MAP7: variants seen among roughly 807,000 people sequenced by gnomAD.
MAP7 encodes the protein microtubule associated protein 7, also known as ensconsin.
In MAP7, 52 loss-of-function variants were observed where a neutral mutation model predicts 94.8. The ratio of observed to expected loss-of-function variants is 0.55; its 90% confidence interval spans 0.44 to 0.69. The LOEUF is 0.69. Among genes scored for constraint, MAP7 ranks in the 30% least tolerant of loss-of-function variants. MAP7 has a pLI of 0.00. For missense variants in MAP7, 940 were observed against 964.6 expected (o/e 0.97, Z 0.34); for synonymous variants, 350 against 357.0 (o/e 0.98, Z 0.22).
intron 1 of MAP7, among the ~76,000 whole-genome samples, chr6:136,539,268 T>A (rs1460850657): frequency 6.6e-6 from 1 of 152,132 alleles, no homozygotes; most frequent in Non-Finnish European, 1.5e-5. Context: ...AGGAAGACAC[T>A]GAGGAAGAGA....
intron 3 of MAP7, among the ~76,000 whole-genome samples, chr6:136,390,701 G>C (rs943455122): frequency 1.3e-5 from 2 of 152,046 alleles, no homozygotes; most frequent in African/African-American, 4.8e-5. Context: ...CATAAATTTA[G>C]AAATATTTTG....
intron 1 of MAP7, among the ~76,000 whole-genome samples, chr6:136,498,960 G>C (rs1013486042): frequency 2.6e-5 from 4 of 152,082 alleles, no homozygotes; most frequent in African/African-American, 9.7e-5. Context: ...CCAGACTGGA[G>C]TGCAGTGGCA....
At chr6:136,476,438 G>T (rs1040571710) in intron 1 of MAP7, among the ~76,000 whole-genome samples, 1 of 152,140 alleles carries the variant, frequency 6.6e-6, no homozygotes, top group Non-Finnish European at 1.5e-5. Context: ...TGGCTTTGAA[G>T]TTCCTTTTAA....
At chr6:136,369,544 G>A (rs1795087605) in intron 8 of MAP7, among the ~76,000 whole-genome samples, 1 of 150,434 alleles carries the variant, frequency 6.6e-6, no homozygotes, top group African/African-American at 2.4e-5. Flanking sequence ...TTGTACTCCA[G>A]CATGGGTGAC....
intron 16 of MAP7, among the ~76,000 whole-genome samples, chr6:136,354,387 A>G (rs1336020805): frequency 7.0e-6 from 1 of 143,710 alleles, no homozygotes; most frequent in South Asian, 2.1e-4. Flanking sequence ...AAATATATAT[A>G]GTAGATATAT....
At chr6:136,488,252 C>A (rs1414551276) in intron 1 of MAP7, among the ~76,000 whole-genome samples, 1 of 152,044 alleles carries the variant, frequency 6.6e-6, no homozygotes, top group Non-Finnish European at 1.5e-5. Flanking sequence ...CATTATTTCA[C>A]AAAGCTTTTT....
intron 1 of MAP7, among the ~76,000 whole-genome samples, chr6:136,471,215 C>T (rs1808861016): frequency 6.6e-6 from 1 of 152,060 alleles, no homozygotes; most frequent in African/African-American, 2.4e-5. Context: ...CCCAGTTCAC[C>T]CAGTCTATTA....
Position 136,343,818 on chromosome 6 carries a change from G to C in MAP7, c.*410C>G, listed in dbSNP as rs1053185938. On this transcript the variant is annotated 3_prime_UTR_variant, in exon 18 of 18. Transcript: ENST00000354570. ...TTCATTCTACTTGTAGAACAAAGAGGTACTTATTTTTCAAGTATTATAAAA... is the reference window on the plus strand; with the variant it reads ...TTCATTCTACTTGTAGAACAAAGAGCTACTTATTTTTCAAGTATTATAAAA... 9 of 152,882 alleles carry C rather than the reference G, an allele frequency of 5.9e-5. No individual in the cohort carries two copies. The highest frequency in any genetic ancestry group is 2.2e-4 in the African/African-American group (9 of 41,392). The allele number at this position is 152,882 out of a possible 1,614,324, so 9.5% of individuals were successfully genotyped here.
chr6:136,389,269 G>A, intron 4 of MAP7, 85 bp downstream of exon 4: 1 of 1,491,640 alleles, frequency 6.7e-7, no homozygotes, highest in East Asian at 2.4e-5. Context: ...TTTGCACCCT[G>A]CACCTGACTG....
chr6:136,528,941 AT>A (rs1330022469), intron 1 of MAP7, among the ~76,000 whole-genome samples: 4 of 151,338 alleles, frequency 2.6e-5, no homozygotes, highest in Non-Finnish European at 1.5e-5. Flanking sequence ...TCTTTAATGG[AT>A]ATAGGGGTTA....
Position 136,366,289 on chromosome 6 carries a change from C to T in MAP7, c.989+38G>A, listed in dbSNP as rs761282551. Reference sequence around the variant, plus strand: ...GAGGAGAGAGCTACTAATTCTCTAACATGAAACAACCCAGCCAGCCACTTA... The same window carrying T: ...GAGGAGAGAGCTACTAATTCTCTAATATGAAACAACCCAGCCAGCCACTTA... On this transcript the variant is annotated intron_variant, in intron 9 of 17. Transcript: ENST00000354570. 4.0e-6 allele frequency: 6 copies of T among 1,518,214 alleles called. No individual in the cohort carries two copies. In the East Asian group the frequency reaches 9.0e-5, roughly 23 times the overall value. The allele number at this position is 1,518,214 out of a possible 1,614,324, so 94.0% of individuals were successfully genotyped here.
At chr6:136,354,125 A>ATC (rs1004325140) in intron 16 of MAP7, among the ~76,000 whole-genome samples, 1 of 144,408 alleles carries the variant, frequency 6.9e-6, no homozygotes, top group Non-Finnish European at 1.5e-5. Context: ...TATATATATT[A>ATC]TATATATAAA....
intron 1 of MAP7, among the ~76,000 whole-genome samples, chr6:136,523,128 T>C (rs931098118): frequency 3.3e-5 from 5 of 152,166 alleles, no homozygotes; most frequent in African/African-American, 1.2e-4. Context: ...CTGGTAATAA[T>C]AATAATCAGA....
At chr6:136,347,102 A>G (rs997676542) in intron 16 of MAP7, among the ~76,000 whole-genome samples, 2 of 148,488 alleles carry the variant, frequency 1.3e-5, no homozygotes. Context: ...TTAGATTACC[A>G]CTCTCTGTTA....
At chr6:136,508,302 G>A (rs560040523) in intron 1 of MAP7, among the ~76,000 whole-genome samples, 2 of 151,970 alleles carry the variant, frequency 1.3e-5, no homozygotes, top group South Asian at 4.2e-4. Flanking sequence ...CTCCAACCTG[G>A]GCAACAGAGT....
At chr6:136,425,219 G>A (rs1462607772) in intron 1 of MAP7, among the ~76,000 whole-genome samples, 1 of 152,200 alleles carries the variant, frequency 6.6e-6, no homozygotes, top group Admixed American at 6.5e-5. Context: ...GTTTATTTCT[G>A]AAGTTTTCCA....
chr6:136,541,004 CCA>C (rs1829266303), intron 1 of MAP7, among the ~76,000 whole-genome samples: 1 of 152,114 alleles, frequency 6.6e-6, no homozygotes, highest in African/African-American at 2.4e-5. Context: ...TTAAATGAAC[CCA>C]CCACGCCTGT....
At chr6:136,516,446 C>T (rs1824863855) in intron 1 of MAP7, among the ~76,000 whole-genome samples, 1 of 152,114 alleles carries the variant, frequency 6.6e-6, no homozygotes, top group Non-Finnish European at 1.5e-5. Context: ...GCATAAGCCA[C>T]CATGCCTGGC....
intron 1 of MAP7, among the ~76,000 whole-genome samples, chr6:136,488,444 C>CT (rs1262255093): frequency 0.039 from 5,211 of 133,350 alleles, 315 homozygotes; most frequent in African/African-American, 0.11. Flanking sequence ...ATGCTAGGTA[C>CT]TTTTTTTTTT....
Sources: allele counts gnomAD v4.1 joint callset (sites outside exome capture counted in the v4.1 genomes callset), GRCh38; gene constraint gnomAD v4.1.1; transcripts MANE v1.5; gene names NCBI Gene and HGNC (gene_info 2026-07-23, HGNC 2026-07-21).